ABHD17C: variants seen among roughly 807,000 people sequenced by gnomAD.
ABHD17C encodes the protein alpha/beta hydrolase domain-containing protein 17C.
ABHD17C carries 11 observed loss-of-function variants against 27.9 expected under a neutral mutation model. The observed-to-expected ratio is 0.39, with a 90% CI of 0.25 to 0.65. The LOEUF is 0.65. Among genes scored for constraint, ABHD17C ranks in the 30% least tolerant of loss-of-function variants. ABHD17C has a pLI of 0.45. For synonymous variants in ABHD17C, 233 were observed against 209.1 expected, an observed-to-expected ratio of 1.11 and a Z score of -0.98; for missense variants, 280 against 470.2, an observed-to-expected ratio of 0.60 and a Z score of 3.74.
intron 1 of ABHD17C, among the ~76,000 whole-genome samples, chr15:80,744,003 T>A (rs1209490899): frequency 6.6e-6 from 1 of 152,252 alleles, no homozygotes; most frequent in Non-Finnish European, 1.5e-5. Flanking sequence ...CTGTTAATGT[T>A]TTTTGAGAAA....
intron 1 of ABHD17C, among the ~76,000 whole-genome samples, chr15:80,745,649 G>A (rs553700795): frequency 1.3e-5 from 2 of 151,954 alleles, no homozygotes; most frequent in East Asian, 3.9e-4. Flanking sequence ...TTACAGGCGT[G>A]AGCCATCGCG....
chr15:80,749,111 G>A (rs1227751819), intron 1 of ABHD17C, among the ~76,000 whole-genome samples: 1 of 151,916 alleles, frequency 6.6e-6, no homozygotes, highest in Non-Finnish European at 1.5e-5. Context: ...TTTTAATATT[G>A]CAATTTGCCA....
At chr15:80,751,762 A>T (rs1045663173) in intron 2 of ABHD17C, among the ~76,000 whole-genome samples, 13 of 152,226 alleles carry the variant, frequency 8.5e-5, no homozygotes, top group South Asian at 2.1e-4. Flanking sequence ...TCTTAAAAAA[A>T]TTTTTTAAAA....
At chr15:80,746,045 A>G (rs79054860) in intron 1 of ABHD17C, among the ~76,000 whole-genome samples, 5,299 of 152,348 alleles carry the variant, frequency 0.035, 122 homozygotes, top group Non-Finnish European at 0.051. Context: ...TTCTATCAAC[A>G]TAAGTCCCCA....
intron 1 of ABHD17C, among the ~76,000 whole-genome samples, chr15:80,723,136 ATATGTGTGTGTGTG>A (rs1224477934): frequency 1.1e-5 from 1 of 92,430 alleles, no homozygotes; most frequent in East Asian, 2.8e-4. Context: ...GTGTGTGTAT[ATATGTGTGTGTGTG>A]TGTGTGTGTG....
intron 1 of ABHD17C, among the ~76,000 whole-genome samples, chr15:80,722,267 GA>G: frequency 6.7e-6 from 1 of 148,374 alleles, no homozygotes; most frequent in East Asian, 2.0e-4. Flanking sequence ...TGGATTGGTT[GA>G]AAAGTGAACA....
intron 1 of ABHD17C, among the ~76,000 whole-genome samples, chr15:80,703,802 T>TC (rs1461332536): frequency 2.0e-5 from 3 of 152,042 alleles, no homozygotes; most frequent in Non-Finnish European, 4.4e-5. Context: ...TATACAGCTA[T>TC]CCCCCCTTAC....
intron 1 of ABHD17C, among the ~76,000 whole-genome samples, chr15:80,705,969 T>G (rs1894642646): frequency 1.3e-5 from 2 of 152,204 alleles, no homozygotes; most frequent in African/African-American, 4.8e-5. Context: ...TTTGCACTTT[T>G]TGGAGCTGGG....
chr15:80,717,244 A>G (rs1261333220), intron 1 of ABHD17C, among the ~76,000 whole-genome samples: 1 of 115,896 alleles, frequency 8.6e-6, no homozygotes, highest in Non-Finnish European at 1.7e-5. Context: ...GCCAGTGAGC[A>G]TTTGATGGGG....
intron 2 of ABHD17C, among the ~76,000 whole-genome samples, chr15:80,750,323 C>T (rs62008999): frequency 0.011 from 1,709 of 152,236 alleles, 17 homozygotes; most frequent in Non-Finnish European, 0.019. Flanking sequence ...CCACTTTGAC[C>T]GGAAGATCTC....
chr15:80,700,280 G>A (rs1894553374), intron 1 of ABHD17C, among the ~76,000 whole-genome samples: 1 of 152,208 alleles, frequency 6.6e-6, no homozygotes, highest in African/African-American at 2.4e-5. Flanking sequence ...CCCGAAGAAT[G>A]AGGTGTAAAG....
At chr15:80,716,214 G>C (rs998380996) in intron 1 of ABHD17C, among the ~76,000 whole-genome samples, 2 of 152,154 alleles carry the variant, frequency 1.3e-5, no homozygotes, top group Admixed American at 1.3e-4. Context: ...TATTATTGCA[G>C]GTGGCTTCCT....
At position 80,754,346 on chromosome 15, in the gene ABHD17C, A is replaced by G; in HGVS notation, c.966A>G (p.Ile322Met). The G allele has an allele frequency of 6.2e-7, 1 of 1,613,464 alleles. No individual in the cohort carries two copies. The highest frequency in any genetic ancestry group is 8.5e-7 in the Non-Finnish European group (1 of 1,179,594). Reference protein sequence around the residue: ...AQYLERLKQFISHELPNS With the variant: ...AQYLERLKQFMSHELPNS Reference sequence around the variant, plus strand: ...ACCTAGAAAGACTAAAACAGTTCATATCTCACGAACTTCCTAATTCCTGAA... The same window carrying G: ...ACCTAGAAAGACTAAAACAGTTCATGTCTCACGAACTTCCTAATTCCTGAA... The change falls in exon 3 of 3, where the codon ATA becomes ATG. Residue 322 changes from isoleucine to methionine, a missense_variant. By Grantham distance (10) the Ile-to-Met change is conservative. Around this residue, in one of 2 missense-constraint regions of ABHD17C, gnomAD observed 206 missense variants for 394.7 expected, o/e 0.52. Coordinates refer to ENST00000258884, the MANE Select transcript of ABHD17C (RefSeq NM_021214.2).
chr15:80,716,698 A>G (rs540428776), intron 1 of ABHD17C, among the ~76,000 whole-genome samples: 1 of 152,344 alleles, frequency 6.6e-6, no homozygotes, highest in East Asian at 1.9e-4. Flanking sequence ...TCTTGTTCAT[A>G]TTTGAATTCC....
At chr15:80,730,240 T>C (rs1895040280) in intron 1 of ABHD17C, among the ~76,000 whole-genome samples, 1 of 152,218 alleles carries the variant, frequency 6.6e-6, no homozygotes, top group Non-Finnish European at 1.5e-5. Flanking sequence ...CCTTGAACCC[T>C]TTCCTTTGAA....
intron 1 of ABHD17C, among the ~76,000 whole-genome samples, chr15:80,698,926 C>T (rs1371655817): frequency 6.6e-6 from 1 of 152,238 alleles, no homozygotes; most frequent in Admixed American, 6.5e-5. Flanking sequence ...GAGTCATCTT[C>T]ATCTCTGTAC....
At chr15:80,725,334 G>A (rs1217537178) in intron 1 of ABHD17C, among the ~76,000 whole-genome samples, 2 of 152,222 alleles carry the variant, frequency 1.3e-5, no homozygotes, top group Non-Finnish European at 2.9e-5. Flanking sequence ...GTGATGGGCT[G>A]TTGCAGACAT....
At chr15:80,698,240 A>G (rs1323533733) in intron 1 of ABHD17C, among the ~76,000 whole-genome samples, 1 of 151,646 alleles carries the variant, frequency 6.6e-6, no homozygotes, top group African/African-American at 2.4e-5. Context: ...AATTTTTTGT[A>G]TTTTTAGTAG....
intron 1 of ABHD17C, among the ~76,000 whole-genome samples, chr15:80,746,067 T>C (rs1895278862): frequency 6.6e-6 from 1 of 152,278 alleles, no homozygotes; most frequent in East Asian, 1.9e-4. Context: ...CAACAGTGAA[T>C]GAGCATTCTT....
Sources: allele counts gnomAD v4.1 joint callset (sites outside exome capture counted in the v4.1 genomes callset), GRCh38; gene constraint gnomAD v4.1.1; regional missense constraint gnomAD v4.1.1; transcripts MANE v1.5; gene names NCBI Gene and HGNC (gene_info 2026-07-23, HGNC 2026-07-21).